The following SHLD1 variants were observed in gnomAD, a reference collection of about 807,000 sequenced individuals.
SHLD1 encodes shieldin complex subunit 1, also known as RINN1-REV7-interacting novel NHEJ regulator 3.
A neutral mutation model predicts 5.5 loss-of-function variants in SHLD1; 3 were observed. The observed-to-expected ratio is 0.54, with a 90% CI of 0.25 to 1.40. The LOEUF (loss-of-function observed/expected upper bound fraction) is 1.40. Ranked by LOEUF, SHLD1 falls within the 40% of genes most tolerant of loss-of-function variation. The pLI is 0.15. For missense variants in SHLD1, 210 were observed against 244.4 expected, an observed-to-expected ratio of 0.86 and a Z score of 0.94; for synonymous variants, 92 against 94.3, an observed-to-expected ratio of 0.98 and a Z score of 0.14.
intron 2 of SHLD1, among the ~76,000 whole-genome samples, chr20:5,804,085 C>T (rs1177160821): frequency 1.3e-5 from 2 of 151,574 alleles, no homozygotes; most frequent in Non-Finnish European, 2.9e-5. Flanking sequence ...CCGAGGCGGG[C>T]AGATCACTTG....
chr20:5,763,787 T>C (rs148734704), intron 1 of SHLD1, among the ~76,000 whole-genome samples: 1,866 of 152,010 alleles, frequency 0.012, 38 homozygotes, highest in African/African-American at 0.042. Context: ...CAGATACTTT[T>C]TGGTTTACAT....
intron 2 of SHLD1, among the ~76,000 whole-genome samples, chr20:5,799,900 C>T (rs1256166830): frequency 6.6e-6 from 1 of 152,160 alleles, no homozygotes; most frequent in Non-Finnish European, 1.5e-5. Context: ...TGGAACCATA[C>T]TTGTGTCAGT....
chr20:5,836,165 T>G (rs2087787143), intron 2 of SHLD1, among the ~76,000 whole-genome samples: 1 of 152,096 alleles, frequency 6.6e-6, no homozygotes. Context: ...CTGAGACATG[T>G]GTACAGATTT....
chr20:5,823,452 GTT>G lies in SHLD1; in HGVS notation c.179-39560_179-39559del, dbSNP rs35984067. 7.9e-3 allele frequency among the ~76,000 whole-genome samples: 1,116 copies of G among 141,584 alleles called. 6 individuals carry two copies. Among genetic ancestry groups the G allele is most frequent in the African/African-American group, 0.027 (1,048 of 38,590 alleles). 92.9% of individuals were successfully genotyped at this position (141,584 alleles called of 152,430 possible). A position where few individuals can be genotyped will look rare whatever the true frequency, so the allele number is the denominator to read the frequency against. On this transcript the variant is annotated intron_variant, in intron 2 of 2. Coordinates refer to ENST00000303142, the MANE Select transcript of SHLD1 (RefSeq NM_152504.4). Reference sequence around the variant, plus strand: ...ATAGACTTGTTTTTTGTTGTTTTTTGTTTTTTTTTTTTTGAGATGGAGTTTTG... The same window carrying G: ...ATAGACTTGTTTTTTGTTGTTTTTTGTTTTTTTTTTTGAGATGGAGTTTTG...
chr20:5,820,890 T>C (rs537566494), intron 2 of SHLD1, among the ~76,000 whole-genome samples: 7 of 152,296 alleles, frequency 4.6e-5, no homozygotes, highest in Non-Finnish European at 1.0e-4. Flanking sequence ...CCTGATATAT[T>C]GTCCTAGATC....
At chr20:5,838,551 A>T (rs1308285454) in intron 2 of SHLD1, among the ~76,000 whole-genome samples, 1 of 152,240 alleles carries the variant, frequency 6.6e-6, no homozygotes, top group Non-Finnish European at 1.5e-5. Context: ...ACCTGAGGTC[A>T]GGAGTTCAAG....
chr20:5,829,816 T>C (rs2087707064), intron 2 of SHLD1, among the ~76,000 whole-genome samples: 1 of 152,174 alleles, frequency 6.6e-6, no homozygotes, highest in Non-Finnish European at 1.5e-5. Flanking sequence ...TCCTTTATAA[T>C]AGAATTTGCC....
chr20:5,755,011 G>A (rs564784036), intron 1 of SHLD1, among the ~76,000 whole-genome samples: 16 of 151,648 alleles, frequency 1.1e-4, no homozygotes, highest in Non-Finnish European at 2.2e-4. Flanking sequence ...AGCCGAGATC[G>A]TGCCATTGCA....
At chr20:5,790,342 C>A (rs1344050024) in intron 2 of SHLD1, among the ~76,000 whole-genome samples, 1 of 152,120 alleles carries the variant, frequency 6.6e-6, no homozygotes, top group African/African-American at 2.4e-5. Context: ...CTCAGCAGTT[C>A]CAGATAAACC....
intron 2 of SHLD1, among the ~76,000 whole-genome samples, chr20:5,798,678 C>G (rs1282505930): frequency 6.7e-6 from 1 of 149,920 alleles, no homozygotes; most frequent in Non-Finnish European, 1.5e-5. Flanking sequence ...AGTGCAGTGG[C>G]GAGAGCTCGG....
chr20:5,781,486 C>G (rs1176889143), intron 2 of SHLD1, among the ~76,000 whole-genome samples: 3 of 152,066 alleles, frequency 2.0e-5, no homozygotes, highest in Non-Finnish European at 4.4e-5. Context: ...TATTACACTA[C>G]TTTTGTCTTT....
intron 2 of SHLD1, among the ~76,000 whole-genome samples, chr20:5,848,268 G>T (rs1255575653): frequency 6.6e-6 from 1 of 152,164 alleles, no homozygotes; most frequent in Admixed American, 6.5e-5. Context: ...GGCTGGGCAT[G>T]GTGGCTCATG....
chr20:5,756,758 C>G, intron 1 of SHLD1: 1 of 269,042 alleles, frequency 3.7e-6, no homozygotes, highest in Non-Finnish European at 7.6e-6. Flanking sequence ...ATGACAATCT[C>G]AGCTCACTGC....
chr20:5,807,310 C>T (rs913313265), intron 2 of SHLD1, among the ~76,000 whole-genome samples: 16 of 151,406 alleles, frequency 1.1e-4, no homozygotes, highest in Admixed American at 3.3e-4. Flanking sequence ...CTTTTCTTTT[C>T]ATTCCTTCCT....
At chr20:5,821,329 A>G (rs1222143164) in intron 2 of SHLD1, among the ~76,000 whole-genome samples, 1 of 152,088 alleles carries the variant, frequency 6.6e-6, no homozygotes, top group Non-Finnish European at 1.5e-5. Context: ...ACTGGCCAAC[A>G]TGGTGAAACC....
intron 2 of SHLD1, among the ~76,000 whole-genome samples, chr20:5,842,380 C>T (rs568282730): frequency 1.1e-4 from 17 of 152,286 alleles, no homozygotes; most frequent in African/African-American, 3.8e-4. Context: ...TTATTTTGGT[C>T]GATCTGGCCA....
At chr20:5,752,944 A>G (rs562723830) in intron 1 of SHLD1, among the ~76,000 whole-genome samples, 7 of 152,200 alleles carry the variant, frequency 4.6e-5, no homozygotes, top group African/African-American at 1.4e-4. Flanking sequence ...ACAGGCACGC[A>G]TTGCCATGCC....
At chr20:5,770,142 A>C (rs237417) in intron 1 of SHLD1, among the ~76,000 whole-genome samples, 87,819 of 151,954 alleles carry the variant, frequency 0.58, 25,782 homozygotes, top group African/African-American at 0.69. Context: ...TTCAGGCAAT[A>C]CTGGATCATT....
intron 2 of SHLD1, among the ~76,000 whole-genome samples, chr20:5,853,564 G>GT (rs747702091): frequency 5.9e-5 from 9 of 152,178 alleles, no homozygotes; most frequent in Non-Finnish European, 1.2e-4. Flanking sequence ...ACGGTTATCT[G>GT]TTTTTTCCTT....
Sources: gnomAD v4.1 joint callset for allele counts (sites outside exome capture counted in the v4.1 genomes callset) on GRCh38, gnomAD v4.1.1 for gene constraint, MANE v1.5 for transcripts, NCBI Gene and HGNC (gene_info 2026-07-23, HGNC 2026-07-21) for gene names.